Variants in COL11A1 observed in about 807,000 individuals in gnomAD.
The protein encoded by COL11A1 is collagen alpha-1(XI) chain.
Under a neutral mutation model 265.2 loss-of-function variants are expected in COL11A1, and 74 were observed. The observed-to-expected ratio is 0.28, with a 90% CI of 0.23 to 0.34. The LOEUF is 0.34. Among genes scored for constraint, COL11A1 ranks in the 10% least tolerant of loss-of-function variants. The pLI is 1.00. For synonymous variants in COL11A1, 816 were observed against 727.6 expected, an observed-to-expected ratio of 1.12 and a Z score of -1.96; for missense variants, 2,165 against 2,263.6, an observed-to-expected ratio of 0.96 and a Z score of 0.88.
rs1203085888 is a variant in COL11A1 at position 103,006,065 on chromosome 1, G to T, written c.1791+3C>A. On this transcript the variant is annotated splice_donor_region_variant and intron_variant, in intron 17 of 66. Coordinates refer to ENST00000370096, the MANE Select transcript of COL11A1 (RefSeq NM_001854.4). ...TGAATATAAAAATATGTGAGCTCCT[G>T]ACCTTTGCCCCAGGTTCTCCTGGCA... 2 of 1,613,830 alleles carry T rather than the reference G, an allele frequency of 1.2e-6. No individual in the cohort carries two copies. The highest frequency in any genetic ancestry group is 2.7e-5 in the African/African-American group (2 of 74,886).
chr1:102,893,383 G>A (rs1932333), intron 57 of COL11A1, among the ~76,000 whole-genome samples: 13,380 of 152,098 alleles, frequency 0.088, 709 homozygotes, highest in Middle Eastern at 0.16. Context: ...CTAAAGATGA[G>A]TTTGCCAAAC....
intron 31 of COL11A1, among the ~76,000 whole-genome samples, chr1:102,983,907 G>A (rs1166306924): frequency 2.0e-5 from 3 of 151,984 alleles, no homozygotes; most frequent in East Asian, 1.9e-4. Flanking sequence ...AAGAATTACC[G>A]ATTATGCCTT....
In COL11A1 at chr1:102,946,967, G is replaced by C; in HGVS notation, c.3169-11C>G. On this transcript the variant is annotated splice_polypyrimidine_tract_variant and intron_variant, in intron 41 of 66. Transcript: ENST00000370096. Reference sequence around the variant, plus strand: ...TTCTCCTGGTGAGCCCTAGTATACAGGAAAAGAAGTATTTTGTTATTAAAG... The same window carrying C: ...TTCTCCTGGTGAGCCCTAGTATACACGAAAAGAAGTATTTTGTTATTAAAG... 6.2e-7 allele frequency: 1 copy of C among 1,602,164 alleles called. No homozygotes were observed. Among genetic ancestry groups the C allele is most frequent in the Non-Finnish European group, 8.5e-7 (1 of 1,172,024 alleles).
intron 4 of COL11A1, among the ~76,000 whole-genome samples, chr1:103,041,661 G>T (rs970387885): frequency 6.6e-6 from 1 of 151,674 alleles, no homozygotes; most frequent in Non-Finnish European, 1.5e-5. Flanking sequence ...TTTAAAGTAT[G>T]CATATATATA....
chr1:103,075,783 G>A (rs1018110480), intron 3 of COL11A1, among the ~76,000 whole-genome samples: 1 of 152,036 alleles, frequency 6.6e-6, no homozygotes, highest in Admixed American at 6.6e-5. Context: ...AGGAGCCCTC[G>A]TAAAATGTCT....
At chr1:103,099,299 A>G (rs1268653813) in intron 1 of COL11A1, among the ~76,000 whole-genome samples, 1 of 151,678 alleles carries the variant, frequency 6.6e-6, no homozygotes, top group Non-Finnish European at 1.5e-5. Context: ...GAAGCTCTAT[A>G]TATTTCTTGT....
At chr1:103,000,948 T>C (rs1200878203) in intron 24 of COL11A1, 1 of 383,098 alleles carries the variant, frequency 2.6e-6, no homozygotes, top group Non-Finnish European at 4.6e-6. Context: ...TACTAATATA[T>C]GTATGCTACA....
intron 65 of COL11A1, 83 bp from the exon 66 acceptor site, chr1:102,879,999 A>T: frequency 1.6e-5 from 14 of 901,012 alleles, no homozygotes; most frequent in Non-Finnish European, 2.0e-5. Flanking sequence ...CAGACAGTGA[A>T]CTGTGATGCC....
chr1:102,965,407 G>T lies in COL11A1; in HGVS notation c.2916+80C>A. ...ATCATTTTGAATCATAATAAATTTA[G>T]AAGATTTTACACAACTTAGGAAGGT... is the stretch of plus-strand genomic sequence containing the variant. On this transcript the variant is annotated intron_variant, in intron 38 of 66. Transcript: ENST00000370096. 1.2e-5 allele frequency: 15 copies of T among 1,254,582 alleles called. No individual in the cohort carries two copies. In the South Asian group the frequency reaches 1.6e-4, roughly 14 times the overall value. 77.7% of individuals were successfully genotyped at this position (1,254,582 alleles called of 1,614,324 possible).
intron 24 of COL11A1, among the ~76,000 whole-genome samples, chr1:102,998,603 C>A (rs1317779022): frequency 4.6e-5 from 7 of 151,488 alleles, no homozygotes; most frequent in African/African-American, 1.5e-4. Flanking sequence ...TTAGATAGGT[C>A]TTTTTTTAAA....
intron 29 of COL11A1, among the ~76,000 whole-genome samples, chr1:102,988,858 A>C (rs1663837037): frequency 6.6e-6 from 1 of 152,158 alleles, no homozygotes; most frequent in African/African-American, 2.4e-5. Flanking sequence ...AAGAACTTGT[A>C]TATGGATGTT....
At chr1:102,995,829 C>A in intron 28 of COL11A1, 35 bp downstream of exon 28, 1 of 1,536,400 alleles carries the variant, frequency 6.5e-7, no homozygotes, top group Non-Finnish European at 9.0e-7. Context: ...ACATAATACA[C>A]AGAAATTAAT....
intron 1 of COL11A1, among the ~76,000 whole-genome samples, chr1:103,098,359 A>G (rs1673959043): frequency 6.6e-6 from 1 of 151,852 alleles, no homozygotes; most frequent in Non-Finnish European, 1.5e-5. Flanking sequence ...ATTTCTATTT[A>G]TTTATATATT....
chr1:103,004,161 C>CA (rs1306288362), intron 20 of COL11A1, among the ~76,000 whole-genome samples: 3 of 151,752 alleles, frequency 2.0e-5, no homozygotes, highest in Non-Finnish European at 2.9e-5. Flanking sequence ...GATGACAGCA[C>CA]AAAAAACAAA....
chr1:102,892,530 A>G (rs1258185632), intron 57 of COL11A1, among the ~76,000 whole-genome samples: 1 of 152,108 alleles, frequency 6.6e-6, no homozygotes, highest in Non-Finnish European at 1.5e-5. Context: ...TAATTGGACA[A>G]ATAGAGCTTC....
chr1:102,946,505 G>T (rs2615991), intron 42 of COL11A1, among the ~76,000 whole-genome samples: 3 of 151,910 alleles, frequency 2.0e-5, no homozygotes, highest in African/African-American at 7.3e-5. Context: ...TATTACAAGA[G>T]GTGTAAAAAG....
intron 65 of COL11A1, among the ~76,000 whole-genome samples, chr1:102,880,999 T>C (rs1284074037): frequency 6.6e-6 from 1 of 152,044 alleles, no homozygotes; most frequent in African/African-American, 2.4e-5. Flanking sequence ...AAGTGGTTAA[T>C]ATGCATGAGT....
intron 1 of COL11A1, among the ~76,000 whole-genome samples, chr1:103,101,096 C>T (rs1674228128): frequency 6.6e-6 from 1 of 151,774 alleles, no homozygotes; most frequent in Admixed American, 6.6e-5. Context: ...ATGAGATAGA[C>T]ATTCCAGGGT....
intron 1 of COL11A1, among the ~76,000 whole-genome samples, chr1:103,088,541 A>T (rs1673053441): frequency 6.6e-6 from 1 of 152,226 alleles, no homozygotes; most frequent in African/African-American, 2.4e-5. Context: ...CATGAAAACT[A>T]TATGAAATTT....
Sources: allele counts gnomAD v4.1 joint callset (sites outside exome capture counted in the v4.1 genomes callset), GRCh38; gene constraint gnomAD v4.1.1; transcripts MANE v1.5; gene names NCBI Gene and HGNC (gene_info 2026-07-23, HGNC 2026-07-21).